CLDN14: variants seen among roughly 807,000 people sequenced by gnomAD.
CLDN14 encodes claudin-14.
In CLDN14, 2 loss-of-function variants were observed where a neutral mutation model predicts 2.1. The ratio of observed to expected loss-of-function variants is 0.96; its 90% CI spans 0.39 to 3.01. CLDN14 has a LOEUF of 3.01. CLDN14 is among the 30% of genes most tolerant of loss of function. The probability of loss-of-function intolerance (pLI) is 0.09; values close to 1 mark genes in which losing one functional copy is unlikely to be tolerated. For missense variants in CLDN14, 298 were observed against 328.0 expected (o/e 0.91, Z 0.71); for synonymous variants, 136 against 154.4 (o/e 0.88, Z 0.88).
At chr21:36,553,978 C>T (rs2146519143) in intron 1 of CLDN14, among the ~76,000 whole-genome samples, 2 of 152,232 alleles carry the variant, frequency 1.3e-5, no homozygotes, top group East Asian at 3.9e-4. Flanking sequence ...TGGAGGTGGC[C>T]TTCAATTGTC....
intron 1 of CLDN14, among the ~76,000 whole-genome samples, chr21:36,550,258 ATTCACTGAACTTTCTCAGGGC>A (rs1488484465): frequency 6.6e-6 from 1 of 152,220 alleles, no homozygotes; most frequent in African/African-American, 2.4e-5. Flanking sequence ...ATTAAATTAA[ATTCACTGAACTTTCTCAGGGC>A]TACCCTGAGA....
intron 1 of CLDN14, among the ~76,000 whole-genome samples, chr21:36,557,734 T>C (rs1489103501): frequency 6.6e-6 from 1 of 152,236 alleles, no homozygotes; most frequent in African/African-American, 2.4e-5. Context: ...ATTCTCTACG[T>C]TATCTTTTTA....
chr21:36,568,579 GC>G (rs2146528253), intron 1 of CLDN14, among the ~76,000 whole-genome samples: 1 of 152,268 alleles, frequency 6.6e-6, no homozygotes, highest in South Asian at 2.1e-4. Flanking sequence ...AAAAGCCTAG[GC>G]TGGGCACCAT....
intron 1 of CLDN14, among the ~76,000 whole-genome samples, chr21:36,556,741 T>C (rs1008773187): frequency 6.6e-6 from 1 of 152,334 alleles, no homozygotes; most frequent in Admixed American, 6.5e-5. Flanking sequence ...TTTCCTGTTG[T>C]TTGTTGATGG....
chr21:36,567,086 A>G (rs1265429788), intron 1 of CLDN14, among the ~76,000 whole-genome samples: 4 of 152,246 alleles, frequency 2.6e-5, no homozygotes, highest in Admixed American at 6.5e-5. Context: ...GATTGCATCA[A>G]GTACGTAATA....
At chr21:36,514,314 T>G (rs1357309887) in intron 1 of CLDN14, among the ~76,000 whole-genome samples, 7 of 152,132 alleles carry the variant, frequency 4.6e-5, no homozygotes, top group Non-Finnish European at 1.0e-4. Context: ...GGAGTGAGGC[T>G]GGAGTTGGGA....
chr21:36,494,883 G>T (rs1451561640), intron 2 of CLDN14, among the ~76,000 whole-genome samples: 1 of 152,210 alleles, frequency 6.6e-6, no homozygotes, highest in African/African-American at 2.4e-5. Flanking sequence ...CAATGATTCT[G>T]CTCAAGGACC....
chr21:36,571,486 G>A (rs1361400389), intron 1 of CLDN14, among the ~76,000 whole-genome samples: 1 of 152,146 alleles, frequency 6.6e-6, no homozygotes. Context: ...TGTTCAGAGT[G>A]ACTTACGAAA....
intron 1 of CLDN14, among the ~76,000 whole-genome samples, chr21:36,549,602 G>A (rs910552868): frequency 1.3e-5 from 2 of 152,140 alleles, no homozygotes; most frequent in Non-Finnish European, 1.5e-5. Flanking sequence ...AATTACTTCT[G>A]GGGGTTGACC....
intron 2 of CLDN14, among the ~76,000 whole-genome samples, chr21:36,494,377 C>T (rs373036959): frequency 3.9e-5 from 6 of 152,166 alleles, no homozygotes; most frequent in East Asian, 1.9e-4. Context: ...CTGGGCTGGC[C>T]GTGGGAGAGG....
At chr21:36,496,525 C>T (rs1000288307) in intron 2 of CLDN14, among the ~76,000 whole-genome samples, 2 of 150,172 alleles carry the variant, frequency 1.3e-5, no homozygotes, top group Non-Finnish European at 2.9e-5. Flanking sequence ...GGACGAATCC[C>T]TCCAAATTTA....
At chr21:36,519,975 C>T (rs1042415818) in intron 1 of CLDN14, among the ~76,000 whole-genome samples, 4 of 152,252 alleles carry the variant, frequency 2.6e-5, no homozygotes, top group African/African-American at 4.8e-5. Context: ...CAAATGACCA[C>T]GAGCTATGTG....
Position 36,498,742 on chromosome 21 carries a change from TACAGAC to T in CLDN14, c.-82+11615_-82+11620del, listed in dbSNP as rs890377679. 6.6e-6 allele frequency among the ~76,000 whole-genome samples: 1 copy of T among 152,144 alleles called. No individual in the cohort carries two copies. The highest frequency in any genetic ancestry group is 1.5e-5 in the Non-Finnish European group (1 of 68,034). ...CCTCTCAGCTGGCCTTCAGCTCCAATACAGACACGGGAAAACCAGTCTCAGTTCAGG... is the reference window on the plus strand; with the variant it reads ...CCTCTCAGCTGGCCTTCAGCTCCAATACGGGAAAACCAGTCTCAGTTCAGG... On this transcript the variant is annotated intron_variant, in intron 2 of 2. Transcript: ENST00000342108. The surrounding 1 kb of genome is among the most constrained non-coding windows in gnomAD (Gnocchi z 4.9).
At chr21:36,565,272 T>TTGC (rs537004490) in intron 1 of CLDN14, among the ~76,000 whole-genome samples, 157 of 152,306 alleles carry the variant, frequency 1.0e-3, no homozygotes, top group Non-Finnish European at 9.0e-4. Context: ...AGCCCAGCCC[T>TTGC]TGCTGCTGCT....
Position 36,556,495 on chromosome 21 carries a change from T to A in CLDN14, c.-220+19916A>T, listed in dbSNP as rs541664599. Among the ~76,000 whole-genome samples, 5 of 152,334 alleles carry A rather than the reference T, an allele frequency of 3.3e-5. No individual in the cohort carries two copies. The South Asian group carries it at 1.0e-3, about 32-fold the overall frequency. On this transcript the variant is annotated intron_variant, in intron 1 of 2. Coordinates refer to the CLDN14 transcript ENST00000342108. ...GTCCAACAGGTTTGGGGTGGAGGTC[T>A]GGCTCTGCCTCTGCCTTGTGTATGA...
At chr21:36,572,702 T>C (rs188435950) in intron 1 of CLDN14, among the ~76,000 whole-genome samples, 103 of 152,358 alleles carry the variant, frequency 6.8e-4, no homozygotes, top group Non-Finnish European at 8.5e-4. Context: ...TTGTGGGCTC[T>C]GGAGTCTGAA....
chr21:36,496,525 C>G (rs1000288307), intron 2 of CLDN14, among the ~76,000 whole-genome samples: 1 of 150,172 alleles, frequency 6.7e-6, no homozygotes. Flanking sequence ...GGACGAATCC[C>G]TCCAAATTTA....
chr21:36,560,603 T>A (rs2087627898), intron 1 of CLDN14, among the ~76,000 whole-genome samples: 1 of 152,246 alleles, frequency 6.6e-6, no homozygotes, highest in African/African-American at 2.4e-5. Flanking sequence ...ACTTCACTTG[T>A]CTTTGGTAAA....
chr21:36,490,949 G>GACAGACAGACACACAC (rs775319552), intron 2 of CLDN14, among the ~76,000 whole-genome samples: 1 of 148,756 alleles, frequency 6.7e-6, no homozygotes, highest in Admixed American at 6.7e-5. Context: ...CAAGTGCACA[G>GACAGACAGACACACAC]ACACACACAC....
Sources: allele counts gnomAD v4.1 joint callset (sites outside exome capture counted in the v4.1 genomes callset), GRCh38; gene constraint gnomAD v4.1.1; non-coding constraint Gnocchi (gnomAD v3.1); transcripts MANE v1.5; gene names NCBI Gene and HGNC (gene_info 2026-07-23, HGNC 2026-07-21).